The following GALNT9 variants were observed in gnomAD, a reference collection of about 807,000 sequenced individuals.
GALNT9 encodes polypeptide N-acetylgalactosaminyltransferase 9, also known as GalNAc transferase 9.
In GALNT9, 47 loss-of-function variants were observed where a neutral mutation model predicts 63.1. The ratio of observed to expected loss-of-function variants is 0.75; its 90% CI spans 0.59 to 0.95. The LOEUF is 0.95. GALNT9 is among the 40% of genes least tolerant of loss of function. The pLI, the probability that GALNT9 is intolerant of heterozygous loss-of-function variation, is 0.00. For synonymous variants in GALNT9, 396 were observed against 365.7 expected (o/e 1.08, Z -0.94); for missense variants, 829 against 874.8 (o/e 0.95, Z 0.66).
chr12:132,312,372 C>T (rs1555245271), intron 1 of GALNT9, among the ~76,000 whole-genome samples: 1 of 152,230 alleles, frequency 6.6e-6, no homozygotes, highest in Non-Finnish European at 1.5e-5. Context: ...TCTGGAACAA[C>T]CCACGGCTGC....
At chr12:132,326,402 G>A (rs1869037100) in intron 1 of GALNT9, among the ~76,000 whole-genome samples, 1 of 152,216 alleles carries the variant, frequency 6.6e-6, no homozygotes, top group South Asian at 2.1e-4. Flanking sequence ...CTTCCTTAAT[G>A]AACATCCCTC....
chr12:132,200,770 A>G (rs1876000590), intron 8 of GALNT9: 1 of 257,910 alleles, frequency 3.9e-6, no homozygotes, highest in Non-Finnish European at 7.3e-6. Context: ...GTGAGAGCGT[A>G]GGTACATTGA....
At chr12:132,312,217 G>A (rs562677605) in intron 1 of GALNT9, among the ~76,000 whole-genome samples, 34 of 152,328 alleles carry the variant, frequency 2.2e-4, no homozygotes, top group South Asian at 6.2e-4. Flanking sequence ...CTAATACAGC[G>A]TTTGATAAAT....
At chr12:132,270,937 G>T (rs1479333479) in intron 2 of GALNT9, among the ~76,000 whole-genome samples, 1 of 151,844 alleles carries the variant, frequency 6.6e-6, no homozygotes, top group African/African-American at 2.4e-5. Flanking sequence ...AGGAGATGGA[G>T]CAGAGAGACA....
intron 1 of GALNT9, among the ~76,000 whole-genome samples, chr12:132,324,274 C>A (rs1412255558): frequency 6.6e-6 from 1 of 152,162 alleles, no homozygotes; most frequent in African/African-American, 2.4e-5. Context: ...CAGGACATTC[C>A]GAGACGCACG....
intron 5 of GALNT9, among the ~76,000 whole-genome samples, 193 bp downstream of exon 5, chr12:132,257,496 T>C (rs1291444744): frequency 8.5e-3 from 53 of 6,256 alleles, no homozygotes; most frequent in African/African-American, 9.8e-3. Context: ...GCCCTCGTCC[T>C]CATGCCCTCA....
At chr12:132,227,164 AGGAAATGGCTAG>A (rs1877725218) in intron 6 of GALNT9, among the ~76,000 whole-genome samples, 1 of 152,178 alleles carries the variant, frequency 6.6e-6, no homozygotes, top group Non-Finnish European at 1.5e-5. Context: ...ATTCAGCCTG[AGGAAATGGCTAG>A]GGCATGAGGA....
At chr12:132,288,639 A>C (rs1593106647) in intron 1 of GALNT9, among the ~76,000 whole-genome samples, 1 of 151,866 alleles carries the variant, frequency 6.6e-6, no homozygotes, top group East Asian at 1.9e-4. Flanking sequence ...TGGGGGCAGG[A>C]GGGTGGCTGA....
In GALNT9 at chr12:132,197,972, C is replaced by A. The variant is rs1875654893; in HGVS notation, c.1498-13G>T. Reference sequence around the variant, plus strand: ...TGTACCGCACCAGCTGGGGACAGGACCACCGGGACTGTGTGTGAGCAGCGC... The same window carrying A: ...TGTACCGCACCAGCTGGGGACAGGAACACCGGGACTGTGTGTGAGCAGCGC... On this transcript the variant is annotated splice_polypyrimidine_tract_variant and intron_variant, in intron 9 of 10. Coordinates refer to ENST00000328957, the MANE Select transcript of GALNT9 (RefSeq NM_001122636.2). 1 of 1,597,158 alleles carries A rather than the reference C, an allele frequency of 6.3e-7. No individual in the cohort carries two copies. The highest frequency in any genetic ancestry group is 1.7e-5 in the Admixed American group (1 of 59,416).
At chr12:132,255,613 A>G (rs1879078692) in intron 5 of GALNT9, among the ~76,000 whole-genome samples, 1 of 152,226 alleles carries the variant, frequency 6.6e-6, no homozygotes, top group South Asian at 2.1e-4. Context: ...GTCTTTAGAT[A>G]ATAACTTAAC....
rs546468511 is a variant in GALNT9 at position 132,262,082 on chromosome 12, C to T, written c.586+377G>A. Among the ~76,000 whole-genome samples, 36 of 152,282 alleles carry T rather than the reference C, an allele frequency of 2.4e-4. No individual in the cohort carries two copies. The East Asian group carries it at 5.2e-3, about 22-fold the overall frequency. The stretch of plus-strand genomic sequence containing the variant: ...GGCTGACCCCAACTTCATCTCCACC[C>T]GGAGCCTGAGAGGAGAGGAAGCAGG... On this transcript the variant is annotated intron_variant, in intron 3 of 10. Transcript: ENST00000328957.
chr12:132,201,288 G>A (rs1469431474), intron 7 of GALNT9, 27 bp from the exon 8 acceptor site: 6 of 1,562,870 alleles, frequency 3.8e-6, no homozygotes, highest in Non-Finnish European at 5.3e-6. Flanking sequence ...AGGTGAGAGG[G>A]TACATGGGTG....
chr12:132,205,416 G>GA (rs751660507), intron 6 of GALNT9: 2 of 151,928 alleles, frequency 1.3e-5, no homozygotes, highest in Non-Finnish European at 2.9e-5. Context: ...GGGCAGGAGG[G>GA]AGCCGCTCCC....
intron 8 of GALNT9, 100 bp from the exon 9 acceptor site, chr12:132,199,369 C>T (rs1875814062): frequency 8.4e-6 from 7 of 834,874 alleles, no homozygotes; most frequent in Non-Finnish European, 1.4e-5. Flanking sequence ...TAAGGAGGTG[C>T]CCGCGGGAGG....
chr12:132,203,517 G>A lies in GALNT9; in HGVS notation c.1251C>T (p.Asn417=). ...DFKSHVYMAW[N]IPMSNPGVDF... ...GTGGGGGACTCACCGACATGGGGAT[G>A]TTCCAGGCCATGTACACGTGGGACT... Residue 417 remains asparagine, a synonymous_variant, in exon 7 of 11, where the codon AAC becomes AAT. Coordinates refer to ENST00000328957, the MANE Select transcript of GALNT9 (RefSeq NM_001122636.2). 12 of 1,613,804 alleles carry A rather than the reference G, an allele frequency of 7.4e-6. No individual in the cohort carries two copies. Among genetic ancestry groups the A allele is most frequent in the Non-Finnish European group, 1.0e-5 (12 of 1,179,752 alleles).
rs1765416613 is a variant in GALNT9, at chr12:132,238,825, C to T, written c.1077+9085G>A. ...ACCTAACACACGTCTTTAAATCCAC[C>T]CAAAGGATAACTGCATGAATTTTAA... On this transcript the variant is annotated intron_variant, in intron 6 of 10. Transcript: ENST00000328957. The surrounding 1 kb of genome is among the most constrained non-coding windows in gnomAD (Gnocchi z 6.5). Among the ~76,000 whole-genome samples the T allele has an allele frequency of 6.6e-6, 1 of 152,168 alleles. No individual in the cohort carries two copies. The highest frequency in any genetic ancestry group is 6.5e-5 in the Admixed American group (1 of 15,278).
chr12:132,248,934 C>T (rs782264065), intron 5 of GALNT9, among the ~76,000 whole-genome samples: 2 of 152,148 alleles, frequency 1.3e-5, no homozygotes, highest in African/African-American at 2.4e-5. Context: ...GCAGGATCTG[C>T]GGAGCAGTGA....
intron 5 of GALNT9, among the ~76,000 whole-genome samples, chr12:132,251,224 G>A (rs887290089): frequency 1.3e-5 from 2 of 152,112 alleles, no homozygotes; most frequent in Non-Finnish European, 2.9e-5. Flanking sequence ...TATGAATTTC[G>A]ATCGATACAA....
At chr12:132,326,129 T>G (rs1182165853) in intron 1 of GALNT9, among the ~76,000 whole-genome samples, 2 of 152,252 alleles carry the variant, frequency 1.3e-5, no homozygotes, top group African/African-American at 4.8e-5. Flanking sequence ...CTTGAAAATT[T>G]TCTTAAAGGC....
Sources: allele counts gnomAD v4.1 joint callset (sites outside exome capture counted in the v4.1 genomes callset), GRCh38; gene constraint gnomAD v4.1.1; non-coding constraint Gnocchi (gnomAD v3.1); transcripts MANE v1.5; gene names NCBI Gene and HGNC (gene_info 2026-07-23, HGNC 2026-07-21).